The following IKZF1 variants were observed in gnomAD, a reference collection of about 807,000 sequenced individuals.
The protein encoded by IKZF1 is DNA-binding protein Ikaros.
A neutral mutation model predicts 51.7 loss-of-function variants in IKZF1; 10 were observed. That is an observed-to-expected ratio of 0.19 (90% CI 0.12 to 0.33). The LOEUF (loss-of-function observed/expected upper bound fraction) is 0.33. IKZF1 is among the 10% of genes least tolerant of loss of function. The probability of loss-of-function intolerance (pLI) is 1.00; values close to 1 mark genes in which losing one functional copy is unlikely to be tolerated. For missense variants in IKZF1, 484 were observed against 707.5 expected, an observed-to-expected ratio of 0.68 and a Z score of 3.58; for synonymous variants, 280 against 282.3, an observed-to-expected ratio of 0.99 and a Z score of 0.08.
chr7:50,390,169 T>C (rs1376966719), intron 6 of IKZF1, among the ~76,000 whole-genome samples: 1 of 152,172 alleles, frequency 6.6e-6, no homozygotes, highest in Non-Finnish European at 1.5e-5. Flanking sequence ...AGCATCAGGC[T>C]CACTTGTTCC....
chr7:50,351,208 T>C (rs1801775770), intron 3 of IKZF1, among the ~76,000 whole-genome samples: 1 of 152,244 alleles, frequency 6.6e-6, no homozygotes. Context: ...ATTTAACCAT[T>C]ATATTTTTAT....
intron 3 of IKZF1, chr7:50,368,489 C>G: frequency 1.7e-6 from 1 of 599,448 alleles, no homozygotes. Context: ...ATATGCTCTT[C>G]ATCTGTGGTT....
intron 3 of IKZF1, among the ~76,000 whole-genome samples, chr7:50,358,117 A>G (rs116830332): frequency 0.013 from 1,985 of 152,334 alleles, 48 homozygotes; most frequent in African/African-American, 0.046. Flanking sequence ...CGATTTGTAA[A>G]TGGGAAGAGT....
At chr7:50,346,463 A>G (rs1476941824) in intron 3 of IKZF1, among the ~76,000 whole-genome samples, 1 of 152,166 alleles carries the variant, frequency 6.6e-6, no homozygotes, top group Non-Finnish European at 1.5e-5. Flanking sequence ...CAACAGCTCT[A>G]CAAAGCCCTC....
chr7:50,358,893 C>G (rs746057190), intron 3 of IKZF1, among the ~76,000 whole-genome samples: 1 of 151,698 alleles, frequency 6.6e-6, no homozygotes, highest in Non-Finnish European at 1.5e-5. Flanking sequence ...TTACATGAAA[C>G]GTTAAACGGC....
chr7:50,322,147 T>C (rs1467353450), intron 2 of IKZF1, among the ~76,000 whole-genome samples: 1 of 152,184 alleles, frequency 6.6e-6, no homozygotes, highest in Non-Finnish European at 1.5e-5. Context: ...CAGTATTTGT[T>C]TTTTTCATTT....
intron 1 of IKZF1, 88 bp downstream of exon 1, chr7:50,305,010 A>G (rs1395105058): frequency 2.6e-5 from 4 of 152,252 alleles, no homozygotes; most frequent in Non-Finnish European, 5.9e-5. Context: ...GAAAAGCGGT[A>G]AGGTTGGTAG....
intron 3 of IKZF1, among the ~76,000 whole-genome samples, chr7:50,372,610 T>C (rs574851789): frequency 1.3e-5 from 2 of 152,264 alleles, no homozygotes; most frequent in Non-Finnish European, 2.9e-5. Flanking sequence ...CATACTCTTT[T>C]TTAGAAACCT....
intron 3 of IKZF1, among the ~76,000 whole-genome samples, chr7:50,349,599 G>A (rs1334997953): frequency 6.6e-6 from 1 of 152,128 alleles, no homozygotes; most frequent in Non-Finnish European, 1.5e-5. Flanking sequence ...CTGTGGGGAG[G>A]GCTGGCAGCA....
At chr7:50,364,553 G>A (rs965098952) in intron 3 of IKZF1, among the ~76,000 whole-genome samples, 3 of 152,184 alleles carry the variant, frequency 2.0e-5, no homozygotes, top group African/African-American at 7.2e-5. Flanking sequence ...TAATAGCTTC[G>A]CTAATCCCAC....
chr7:50,306,280 A>G (rs1217088814), intron 1 of IKZF1, among the ~76,000 whole-genome samples: 2 of 152,228 alleles, frequency 1.3e-5, no homozygotes. Context: ...TTTCACCATG[A>G]ACATATTTCA....
chr7:50,369,899 C>G (rs1229103331), intron 3 of IKZF1, among the ~76,000 whole-genome samples: 1 of 152,132 alleles, frequency 6.6e-6, no homozygotes, highest in Non-Finnish European at 1.5e-5. Flanking sequence ...GGGACGAAAA[C>G]AACCTTCTAC....
At chr7:50,381,981 G>T (rs1197798768) in intron 4 of IKZF1, among the ~76,000 whole-genome samples, 1 of 152,142 alleles carries the variant, frequency 6.6e-6, no homozygotes. Flanking sequence ...TAATGGAGAA[G>T]AAATTGAAAG....
chr7:50,402,522 A>C lies in IKZF1; in HGVS notation c.*1895A>C, dbSNP rs2153521629. ...GGGGGAGAACCACTGACCCAAATGA[A>C]TTCTAAACCAATCAAATGTCTGGGA... is the stretch of plus-strand genomic sequence containing the variant. On this transcript the variant is annotated 3_prime_UTR_variant, in exon 8 of 8. Coordinates refer to ENST00000331340, the MANE Select transcript of IKZF1 (RefSeq NM_006060.6). 4.3e-6 allele frequency: 1 copy of C among 232,012 alleles called. No homozygotes were observed. The highest frequency in any genetic ancestry group is 1.8e-4 in the South Asian group (1 of 5,522). 14.4% of individuals were successfully genotyped at this position (232,012 alleles called of 1,614,324 possible).
chr7:50,347,390 C>T (rs1800644762), intron 3 of IKZF1, among the ~76,000 whole-genome samples: 1 of 152,184 alleles, frequency 6.6e-6, no homozygotes, highest in African/African-American at 2.4e-5. Flanking sequence ...CCTGTCTGCA[C>T]AAGCACTCGC....
chr7:50,330,422 GA>G, intron 3 of IKZF1, among the ~76,000 whole-genome samples: 1 of 152,190 alleles, frequency 6.6e-6, no homozygotes, highest in South Asian at 2.1e-4. Flanking sequence ...TTACTGTAAA[GA>G]AAGCAAAAAA....
Position 50,401,919 on chromosome 7 carries a change from T to C in IKZF1, c.*1292T>C, listed in dbSNP as rs1316921151. ...GCCAGCATGTGTGTCCACACATACA[T>C]AGGATGGCTGGCTCTGCACCTGTAG... On this transcript the variant is annotated 3_prime_UTR_variant, in exon 8 of 8. Transcript: ENST00000331340. 8.8e-6 allele frequency: 2 copies of C among 226,342 alleles called. No homozygotes were observed. Among genetic ancestry groups the C allele is most frequent in the Non-Finnish European group, 1.8e-5 (2 of 113,772 alleles). The allele number at this position is 226,342 out of a possible 1,614,324, so 14.0% of individuals were successfully genotyped here.
At chr7:50,310,160 T>C (rs1789816285) in intron 1 of IKZF1, among the ~76,000 whole-genome samples, 1 of 152,212 alleles carries the variant, frequency 6.6e-6, no homozygotes, top group African/African-American at 2.4e-5. Flanking sequence ...TAAAAGTTGG[T>C]AGGAAGTTGT....
intron 3 of IKZF1, among the ~76,000 whole-genome samples, chr7:50,372,988 C>T (rs1809156852): frequency 6.6e-6 from 1 of 152,244 alleles, no homozygotes; most frequent in Non-Finnish European, 1.5e-5. Context: ...TCTTTTGGTT[C>T]TGTTACAGCT....
Sources: allele counts gnomAD v4.1 joint callset (sites outside exome capture counted in the v4.1 genomes callset), GRCh38; gene constraint gnomAD v4.1.1; transcripts MANE v1.5; gene names NCBI Gene and HGNC (gene_info 2026-07-23, HGNC 2026-07-21).